The following ECT2 variants were observed in gnomAD, a reference collection of about 807,000 sequenced individuals.
ECT2 encodes the protein epithelial cell transforming 2, also known as protein ECT2.
A neutral mutation model predicts 116.9 loss-of-function variants in ECT2; 61 were observed. The observed-to-expected ratio is 0.52, with a 90% confidence interval of 0.42 to 0.65. The LOEUF (loss-of-function observed/expected upper bound fraction) is 0.65. Ranked by LOEUF, ECT2 falls within the 30% of genes least tolerant of loss-of-function variation. The probability of loss-of-function intolerance (pLI) is 0.00; values close to 1 mark genes in which losing one functional copy is unlikely to be tolerated. For synonymous variants in ECT2, 358 were observed against 346.4 expected (o/e 1.03, Z -0.37); for missense variants, 937 against 1,078.7 (o/e 0.87, Z 1.84).
intron 22 of ECT2, 46 bp from the exon 23 acceptor site, chr3:172,815,558 A>G (rs757397703): frequency 8.1e-7 from 1 of 1,234,652 alleles, no homozygotes; most frequent in African/African-American, 1.5e-5. Flanking sequence ...ATTTTTAGAA[A>G]CAGTTGTGTG....
chr3:172,791,921 T>G (rs769108431), intron 18 of ECT2, among the ~76,000 whole-genome samples: 14 of 152,364 alleles, frequency 9.2e-5, no homozygotes, highest in Admixed American at 7.2e-4. Context: ...TTCTAGCTTT[T>G]GATTTGAAGT....
chr3:172,807,947 T>C (rs1043109002), intron 22 of ECT2, 23 bp downstream of exon 22: 2 of 1,601,976 alleles, frequency 1.2e-6, no homozygotes, highest in Non-Finnish European at 1.7e-6. Flanking sequence ...AACAGTATTA[T>C]AATGAAAGTT....
chr3:172,814,351 A>T (rs777680923), intron 22 of ECT2, among the ~76,000 whole-genome samples: 6 of 152,070 alleles, frequency 3.9e-5, no homozygotes, highest in Non-Finnish European at 7.4e-5. Context: ...TAGGTATACT[A>T]GATATATTCT....
At chr3:172,823,494 C>G (rs1001808149), downstream of ECT2, among the ~76,000 whole-genome samples, 1 of 152,094 alleles carries the variant, frequency 6.6e-6, no homozygotes, top group Non-Finnish European at 1.5e-5. Flanking sequence ...TGTACTCTTA[C>G]GTATGTCTGT....
intron 22 of ECT2, among the ~76,000 whole-genome samples, chr3:172,809,125 G>A (rs937436237): frequency 1.3e-5 from 2 of 151,642 alleles, no homozygotes; most frequent in African/African-American, 4.8e-5. Flanking sequence ...TATATAAAAT[G>A]GTTTTATCTG....
chr3:172,756,300 T>A (rs73173397), intron 4 of ECT2, among the ~76,000 whole-genome samples: 15,537 of 151,154 alleles, frequency 0.1, 1,026 homozygotes, highest in Non-Finnish European at 0.15. Flanking sequence ...TAAAAAAAAA[T>A]TTTTTTTTTA....
At chr3:172,763,232 A>T (rs2049230) in intron 11 of ECT2, among the ~76,000 whole-genome samples, 70,748 of 152,110 alleles carry the variant, frequency 0.47, 19,552 homozygotes, top group East Asian at 0.69. Flanking sequence ...TCAGAAACTT[A>T]GACTTTTAAT....
intron 18 of ECT2, among the ~76,000 whole-genome samples, chr3:172,791,622 A>G (rs891504817): frequency 6.6e-6 from 1 of 152,142 alleles, no homozygotes; most frequent in African/African-American, 2.4e-5. Flanking sequence ...CAGCTTTCTT[A>G]CCTCTCTCAG....
chr3:172,773,991 C>G lies in ECT2; in HGVS notation c.1517C>G (p.Pro506Arg). Residue 506 changes from proline to arginine, a missense_variant, in exon 14 of 25, where the codon CCA (proline) becomes CGA (arginine). Transcript: ENST00000392692. ...ATTAAGACTATTTTTGGTAGCATCC[C>G]AGATATCTTTGATGTACACACTAAG... ...EEIKTIFGSI[P>R]DIFDVHTKIK... 8.7e-6 allele frequency: 14 copies of G among 1,612,916 alleles called. No individual in the cohort carries two copies. Among genetic ancestry groups the G allele is most frequent in the Non-Finnish European group, 1.2e-5 (14 of 1,178,980 alleles).
the ECT2 span, among the ~76,000 whole-genome samples, chr3:172,828,023 A>G: frequency 6.6e-6 from 1 of 152,116 alleles, no homozygotes. Flanking sequence ...ATTATAAATA[A>G]TCTGGAGAAA....
chr3:172,787,629 A>G (rs1723839901), intron 18 of ECT2, among the ~76,000 whole-genome samples: 1 of 152,182 alleles, frequency 6.6e-6, no homozygotes, highest in Admixed American at 6.5e-5. Context: ...AACGGTATTG[A>G]GACTATTATG....
intron 13 of ECT2, among the ~76,000 whole-genome samples, 156 bp from the exon 14 acceptor site, chr3:172,773,747 T>C (rs893443647): frequency 6.6e-6 from 1 of 152,216 alleles, no homozygotes; most frequent in Non-Finnish European, 1.5e-5. Flanking sequence ...TAAAATAGAA[T>C]AGAAAATATG....
chr3:172,764,184 A>C, intron 11 of ECT2, 94 bp from the exon 12 acceptor site: 1 of 1,113,816 alleles, frequency 9.0e-7, no homozygotes, highest in Non-Finnish European at 1.3e-6. Flanking sequence ...TGCAAAATCC[A>C]GATTCTGTCA....
At chr3:172,773,808 T>G (rs903379808) in intron 13 of ECT2, 95 bp from the exon 14 acceptor site, 2 of 1,232,950 alleles carry the variant, frequency 1.6e-6, no homozygotes, top group African/African-American at 3.1e-5. Context: ...TACTTCCTTC[T>G]CTATTAATAT....
At chr3:172,818,490 TA>T (rs1730148753) in intron 24 of ECT2, 1 of 1,091,538 alleles carries the variant, frequency 9.2e-7, no homozygotes, top group South Asian at 2.1e-5. Context: ...AAGAAGCAGC[TA>T]AAATACCTTC....
At position 172,783,470 on chromosome 3, in the gene ECT2, C is replaced by T. The variant is rs1261462106; in HGVS notation, c.1618-329C>T. Among the ~76,000 whole-genome samples, 5 of 152,196 alleles carry T rather than the reference C, an allele frequency of 3.3e-5. No individual in the cohort carries two copies. The East Asian group carries it at 7.7e-4, about 23-fold the overall frequency. The stretch of plus-strand genomic sequence containing the variant: ...ATAAATACCATGCTTTTGGAATCTA[C>T]ATAGATCAGCTGTAATTGATATTTT... On this transcript the variant is annotated intron_variant, in intron 15 of 24. Coordinates refer to ENST00000392692, the MANE Select transcript of ECT2 (RefSeq NM_001258315.2).
At chr3:172,818,602 G>T (rs1730175564) in intron 24 of ECT2, 7 of 1,288,216 alleles carry the variant, frequency 5.4e-6, no homozygotes, top group Non-Finnish European at 6.1e-6. Context: ...GCATGTTTAT[G>T]TTCAGCGCCT....
At chr3:172,797,280 C>T (rs188262435) in intron 18 of ECT2, among the ~76,000 whole-genome samples, 31 of 152,032 alleles carry the variant, frequency 2.0e-4, no homozygotes, top group Admixed American at 1.2e-3. Flanking sequence ...AGCAATCCAC[C>T]GGCCTAGGTC....
chr3:172,794,211 ATG>A (rs1725208226), intron 18 of ECT2, among the ~76,000 whole-genome samples: 1 of 152,172 alleles, frequency 6.6e-6, no homozygotes, highest in Non-Finnish European at 1.5e-5. Context: ...TTCTTTAAGA[ATG>A]TTTGTGGTAT....
Sources: gnomAD v4.1 joint callset for allele counts (sites outside exome capture counted in the v4.1 genomes callset) on GRCh38, gnomAD v4.1.1 for gene constraint, MANE v1.5 for transcripts, NCBI Gene and HGNC (gene_info 2026-07-23, HGNC 2026-07-21) for gene names.